ANKRD18A: variants seen among roughly 807,000 people sequenced by gnomAD.
ANKRD18A encodes the protein ankyrin repeat domain-containing protein 18A.
A neutral mutation model predicts 110.6 loss-of-function variants in ANKRD18A; 72 were observed. The observed-to-expected ratio is 0.65, with a 90% CI of 0.54 to 0.79. The LOEUF is 0.79. Ranked by LOEUF, ANKRD18A falls within the 30% of genes least tolerant of loss-of-function variation. The pLI is 0.00. For synonymous variants in ANKRD18A, 305 were observed against 410.3 expected (o/e 0.74, Z 3.10); for missense variants, 934 against 1,163.3 (o/e 0.80, Z 2.87).
At position 38,615,720 on chromosome 9, in the gene ANKRD18A, A is replaced by G. The variant is rs1285096672; in HGVS notation, c.369T>C (p.Cys123=). 2.5e-6 allele frequency: 4 copies of G among 1,612,844 alleles called. No homozygotes were observed. The African/African-American group carries it at 5.3e-5, about 22-fold the overall frequency. ...EEACAIVLLE[C]GANPNIEDIY... ...TATCCTCAATGTTTGGATTGGCGCC[A>G]CATTCCAGGAGAACGATGGCACAAG... Residue 123 remains cysteine, a synonymous_variant, in exon 3 of 16, where the codon TGT becomes TGC. Transcript: ENST00000399703.
At position 38,593,888 on chromosome 9, in the gene ANKRD18A, C is replaced by T; in HGVS notation, c.1876G>A (p.Glu626Lys). The T allele has an allele frequency of 2.0e-6, 3 of 1,487,938 alleles. No individual in the cohort carries two copies. Among genetic ancestry groups the T allele is most frequent in the Non-Finnish European group, 1.8e-6 (2 of 1,120,686 alleles). The allele number at this position is 1,487,938 out of a possible 1,614,324, so 92.2% of individuals were successfully genotyped here. Residue 626 changes from glutamate to lysine, a missense_variant, in exon 10 of 16, where the codon GAA becomes AAA. Glu to Lys is a moderately conservative substitution (Grantham distance 56, BLOSUM62 1). This residue lies in a region of ANKRD18A where 630 missense variants were observed against 797.5 expected (regional missense o/e 0.79). Coordinates refer to ENST00000399703, the MANE Select transcript of ANKRD18A (RefSeq NM_147195.4). Reference sequence around the variant, plus strand: ...GTTTTAAGGTGATCGACCAGTTCTTCTTGAAATTCTCTCACAATCACCTGA... The same window carrying T: ...GTTTTAAGGTGATCGACCAGTTCTTTTTGAAATTCTCTCACAATCACCTGA... ...EREVIVREFQ[E>K]ELVDHLKTFS...
At chr9:38,583,232 G>A (rs1438876809) in intron 12 of ANKRD18A, among the ~76,000 whole-genome samples, 1 of 152,188 alleles carries the variant, frequency 6.6e-6, no homozygotes, top group South Asian at 2.1e-4. Flanking sequence ...GTAAAGTGGT[G>A]CAGCCACTTT....
chr9:38,596,074 G>C lies in ANKRD18A; in HGVS notation c.1266C>G (p.Leu422=), dbSNP rs1313368680. The change falls in exon 9 of 16, where the codon CTC becomes CTG. Residue 422 remains leucine, a synonymous_variant. Transcript: ENST00000399703. ...TTATAGCAGTGGCCAGGCTAGAATG[G>C]AGGGATTCAACTTCAGCTTCTAGTC... ...KERLEAEVES[L]HSSLATAINE... 6.4e-7 allele frequency: 1 copy of C among 1,551,226 alleles called. No homozygotes were observed. The highest frequency in any genetic ancestry group is 8.7e-7 in the Non-Finnish European group (1 of 1,146,708).
In ANKRD18A at chr9:38,577,038, T is replaced by C. The variant is rs765015151; in HGVS notation, c.2741+15A>G. ...GAGCTGAATTCATTTTCTATGAGTG[T>C]ATGTTTTGACTTACTTCATTAATTT... is the stretch of plus-strand genomic sequence containing the variant. On this transcript the variant is annotated intron_variant, in intron 14 of 15. Coordinates refer to ENST00000399703, the MANE Select transcript of ANKRD18A (RefSeq NM_147195.4). The C allele has an allele frequency of 2.6e-6, 4 of 1,541,068 alleles. No individual in the cohort carries two copies. In the South Asian group the frequency reaches 4.9e-5, roughly 19 times the overall value.
At position 38,579,118 on chromosome 9, in the gene ANKRD18A, C is replaced by T. The variant is rs188342947; in HGVS notation, c.2248-970G>A. ...AAGGACACCCTCTTCAAATGAATAG[C>T]GCTGGGAAACTACCCATATGAAGAA... On this transcript the variant is annotated intron_variant, in intron 12 of 15. Transcript: ENST00000399703. Among the ~76,000 whole-genome samples the T allele has an allele frequency of 1.3e-4, 20 of 152,266 alleles. No individual in the cohort carries two copies. The East Asian group carries it at 2.1e-3, about 16-fold the overall frequency.
At chr9:38,572,391 C>T (rs1056074053) in intron 15 of ANKRD18A, 89 of 191,592 alleles carry the variant, frequency 4.6e-4, no homozygotes, top group Non-Finnish European at 6.6e-4. Context: ...AGGTAATGTC[C>T]ATATAGAGTC....
In ANKRD18A at chr9:38,620,531, G is replaced by T. The variant is rs1022161090; in HGVS notation, c.-246C>A. The T allele has an allele frequency of 3.7e-6, 5 of 1,368,778 alleles. No homozygotes were observed. The highest frequency in any genetic ancestry group is 4.7e-6 in the Non-Finnish European group (5 of 1,057,910). 84.8% of individuals were successfully genotyped at this position (1,368,778 alleles called of 1,614,324 possible). ...CTCGCAGACTCCGACCTCTCAGACC[G>T]AGTGAGCCCAGCTAAGCCGTTAGGC... On this transcript the variant is annotated 5_prime_UTR_variant, in exon 1 of 16. Coordinates refer to ENST00000399703, the MANE Select transcript of ANKRD18A (RefSeq NM_147195.4).
rs1176954822 is a variant in ANKRD18A at position 38,610,305 on chromosome 9, G to T, written c.708C>A (p.Ala236=). 1 of 1,549,744 alleles carries T rather than the reference G, an allele frequency of 6.5e-7. No homozygotes were observed. The highest frequency in any genetic ancestry group is 2.4e-5 in the East Asian group (1 of 40,878). Residue 236 remains alanine (A), a synonymous_variant, in exon 5 of 16, where the codon GCC becomes GCA. Coordinates refer to ENST00000399703, the MANE Select transcript of ANKRD18A (RefSeq NM_147195.4). ...ISSQDMFGQT[A]EDYALCSDLR... is the part of the protein sequence containing the mutation. ...AATCAGAACAAAGAGCATAATCCTCGGCAGTTTGGCCAAACATGTCTTGAG... is the reference window on the plus strand; with the variant it reads ...AATCAGAACAAAGAGCATAATCCTCTGCAGTTTGGCCAAACATGTCTTGAG...
At chr9:38,572,822 G>A (rs1587478511) in intron 15 of ANKRD18A, 1 of 204,870 alleles carries the variant, frequency 4.9e-6, no homozygotes, top group East Asian at 9.8e-5. Context: ...TGGCAAAAGT[G>A]AACAAATTGT....
intron 12 of ANKRD18A, among the ~76,000 whole-genome samples, chr9:38,578,975 C>T (rs146826713): frequency 0.016 from 2,399 of 152,244 alleles, 39 homozygotes; most frequent in South Asian, 0.042. Context: ...ATTTGAATTG[C>T]ATTTTAAGAA....
intron 12 of ANKRD18A, among the ~76,000 whole-genome samples, chr9:38,583,207 A>T (rs577590473): frequency 5.3e-5 from 8 of 152,250 alleles, no homozygotes; most frequent in Non-Finnish European, 1.0e-4. Flanking sequence ...GCCCTTATCC[A>T]ATGCTGCCGG....
At chr9:38,569,251 C>T (rs570378338), downstream of ANKRD18A, 7 of 971,076 alleles carry the variant, frequency 7.2e-6, no homozygotes, top group East Asian at 3.5e-4. Context: ...GGAATTGCTG[C>T]AAGGATGAAT....
chr9:38,620,228 C>T lies in ANKRD18A; in HGVS notation c.58G>A (p.Asp20Asn). The change falls in exon 1 of 16, where the codon GAC becomes AAC. Residue 20 changes from aspartate (D) to asparagine (N), a missense_variant. This residue lies in a region of ANKRD18A where 630 missense variants were observed against 797.5 expected (regional missense o/e 0.79). Coordinates refer to ENST00000399703, the MANE Select transcript of ANKRD18A (RefSeq NM_147195.4). ...TAACCCGGACCCGCATACTCTTGGT[C>T]CATGGAGCTCAGGAGCGCCTGGCCC... ...RLGQALLSSM[D>N]QEYAGPGYDI... is the part of the protein sequence containing the mutation. 8 of 1,551,700 alleles carry T rather than the reference C, an allele frequency of 5.2e-6. No individual in the cohort carries two copies. The highest frequency in any genetic ancestry group is 7.0e-6 in the Non-Finnish European group (8 of 1,146,964).
downstream of ANKRD18A, chr9:38,568,449 T>C (rs1028708407): frequency 6.6e-6 from 1 of 151,726 alleles, no homozygotes; most frequent in African/African-American, 2.4e-5. Flanking sequence ...TCGCTGCCAG[T>C]CAGGGTAAAT....
At chr9:38,575,774 A>G in intron 14 of ANKRD18A, 76 bp from the exon 15 acceptor site, 1 of 1,447,178 alleles carries the variant, frequency 6.9e-7, no homozygotes, top group Non-Finnish European at 9.2e-7. Flanking sequence ...CATTTTTTAA[A>G]AAGTTGCCCT....
chr9:38,586,004 T>C (rs1824363335), intron 12 of ANKRD18A, among the ~76,000 whole-genome samples, 179 bp downstream of exon 12: 1 of 152,076 alleles, frequency 6.6e-6, no homozygotes, highest in Non-Finnish European at 1.5e-5. Context: ...CCGGGGCTTG[T>C]TGGGGTCAGG....
Position 38,571,371 on chromosome 9 carries a change from T to A in ANKRD18A, c.*674A>T. 2.6e-6 allele frequency: 2 copies of A among 765,594 alleles called. No homozygotes were observed. The highest frequency in any genetic ancestry group is 3.7e-6 in the Non-Finnish European group (2 of 545,198). 47.4% of individuals were successfully genotyped at this position (765,594 alleles called of 1,614,324 possible). ...AGAATCATGAGCTTTCCCTTCTCCTTTATTTATTGGTTTTATTTCTCCATG... is the reference window on the plus strand; with the variant it reads ...AGAATCATGAGCTTTCCCTTCTCCTATATTTATTGGTTTTATTTCTCCATG... On this transcript the variant is annotated 3_prime_UTR_variant, in exon 16 of 16. Coordinates refer to ENST00000399703, the MANE Select transcript of ANKRD18A (RefSeq NM_147195.4).
intron 12 of ANKRD18A, among the ~76,000 whole-genome samples, chr9:38,584,941 A>G (rs150701868): frequency 0.056 from 8,463 of 152,234 alleles, 422 homozygotes; most frequent in African/African-American, 0.13. Flanking sequence ...ACAGCATCAC[A>G]GAGAGAAGAA....
Position 38,571,399 on chromosome 9 carries a change from G to C in ANKRD18A, c.*646C>G, listed in dbSNP as rs753884138. The C allele has an allele frequency of 9.2e-6, 6 of 654,510 alleles. No homozygotes were observed. The highest frequency in any genetic ancestry group is 1.9e-5 in the African/African-American group (1 of 53,000). The allele number at this position is 654,510 out of a possible 1,614,324, so 40.5% of individuals were successfully genotyped here. On this transcript the variant is annotated 3_prime_UTR_variant, in exon 16 of 16. Coordinates refer to ENST00000399703, the MANE Select transcript of ANKRD18A (RefSeq NM_147195.4). ...TTTATTGGTTTTATTTCTCCATGTA[G>C]AACAAAGAAGAAAATAAGAAAAACA...
Sources: allele counts gnomAD v4.1 joint callset (sites outside exome capture counted in the v4.1 genomes callset), GRCh38; gene constraint gnomAD v4.1.1; regional missense constraint gnomAD v4.1.1; transcripts MANE v1.5; gene names NCBI Gene and HGNC (gene_info 2026-07-23, HGNC 2026-07-21).